The following IRAK1BP1 variants were observed in gnomAD, a reference collection of about 807,000 sequenced individuals.
IRAK1BP1 encodes interleukin 1 receptor associated kinase 1 binding protein 1.
Under a neutral mutation model 28.0 loss-of-function variants are expected in IRAK1BP1, and 24 were observed. The observed-to-expected ratio is 0.86, with a 90% CI of 0.62 to 1.20. IRAK1BP1 has a LOEUF of 1.20. IRAK1BP1 is among the 50% of genes most tolerant of loss of function. The pLI is 0.00. For missense variants in IRAK1BP1, 336 were observed against 316.7 expected (o/e 1.06, Z -0.46); for synonymous variants, 131 against 116.3 (o/e 1.13, Z -0.81).
At chr6:78,926,746 T>A (rs1772901207) in intron 4 of IRAK1BP1, among the ~76,000 whole-genome samples, 3 of 152,062 alleles carry the variant, frequency 2.0e-5, no homozygotes, top group Admixed American at 2.0e-4. Flanking sequence ...CCTATCTCCA[T>A]GAATTCAGCT....
chr6:78,946,878 T>C, downstream of IRAK1BP1: 1 of 1,538,950 alleles, frequency 6.5e-7, no homozygotes, highest in Non-Finnish European at 8.7e-7. Context: ...TGTAAATCTG[T>C]GAGGGAAAAA....
chr6:78,888,369 A>T (rs1358601575), intron 2 of IRAK1BP1, among the ~76,000 whole-genome samples: 2 of 152,204 alleles, frequency 1.3e-5, no homozygotes, highest in Admixed American at 6.5e-5. Flanking sequence ...TACACAAAGG[A>T]CACAAGGAAA....
intron 4 of IRAK1BP1, chr6:78,938,467 C>T (rs1001670468): frequency 1.3e-5 from 2 of 151,436 alleles, no homozygotes; most frequent in African/African-American, 4.8e-5. Flanking sequence ...GATTTTATAG[C>T]CTATTATTTT....
chr6:78,902,925 T>A lies in IRAK1BP1; in HGVS notation c.*4591T>A. 1.3e-6 allele frequency: 1 copy of A among 791,904 alleles called. No homozygotes were observed. Among genetic ancestry groups the A allele is most frequent in the Non-Finnish European group, 2.0e-6 (1 of 494,480 alleles). 49.1% of individuals were successfully genotyped at this position (791,904 alleles called of 1,614,324 possible). On this transcript the variant is annotated 3_prime_UTR_variant, in exon 4 of 4. Coordinates refer to ENST00000369940, the MANE Select transcript of IRAK1BP1 (RefSeq NM_001010844.4). Reference sequence around the variant, plus strand: ...TTAATAGAAATCTTTCAAGAAGGATTGTTTTCTACTATTAAAACAATAAAA... The same window carrying A: ...TTAATAGAAATCTTTCAAGAAGGATAGTTTTCTACTATTAAAACAATAAAA...
chr6:78,883,931 A>G (rs986728529), intron 1 of IRAK1BP1, among the ~76,000 whole-genome samples: 10 of 152,072 alleles, frequency 6.6e-5, no homozygotes, highest in Non-Finnish European at 1.0e-4. Context: ...AAAATGTTAT[A>G]TATAAGGTTG....
At chr6:78,965,878 T>A in the IRAK1BP1 span, 4 of 1,270,476 alleles carry the variant, frequency 3.1e-6, no homozygotes, top group Non-Finnish European at 4.6e-6. Flanking sequence ...TCTTTATCTC[T>A]TAATAGATGG....
the IRAK1BP1 span, among the ~76,000 whole-genome samples, chr6:78,971,395 T>G: frequency 3.3e-5 from 5 of 152,240 alleles, no homozygotes; most frequent in African/African-American, 1.2e-4. Flanking sequence ...AACTAGTACT[T>G]GAACACAGCA....
the IRAK1BP1 span, among the ~76,000 whole-genome samples, chr6:78,972,855 G>A: frequency 1.3e-5 from 2 of 152,156 alleles, no homozygotes; most frequent in Admixed American, 6.5e-5. Flanking sequence ...AATGAGCAAA[G>A]CCTCCAAGAA....
At chr6:78,917,874 A>G (rs572450831) in intron 4 of IRAK1BP1, among the ~76,000 whole-genome samples, 2 of 152,306 alleles carry the variant, frequency 1.3e-5, no homozygotes, top group South Asian at 4.1e-4. Flanking sequence ...AGCAAGTGCT[A>G]GGGGAATTTG....
intron 1 of IRAK1BP1, among the ~76,000 whole-genome samples, chr6:78,884,407 A>C (rs1348376948): frequency 1.3e-5 from 2 of 152,170 alleles, no homozygotes; most frequent in Non-Finnish European, 2.9e-5. Flanking sequence ...TTAATCACTG[A>C]ATTTAAAAAC....
At chr6:78,904,473 T>C (rs1012928434), downstream of IRAK1BP1, among the ~76,000 whole-genome samples, 1 of 152,218 alleles carries the variant, frequency 6.6e-6, no homozygotes, top group Non-Finnish European at 1.5e-5. Context: ...ATAAATTCAG[T>C]AAACTTACAA....
intron 4 of IRAK1BP1, among the ~76,000 whole-genome samples, chr6:78,917,053 T>A (rs1772579283): frequency 6.6e-6 from 1 of 151,954 alleles, no homozygotes; most frequent in Non-Finnish European, 1.5e-5. Flanking sequence ...TCACACCAGC[T>A]CTCCAGCAAT....
chr6:78,895,044 G>A (rs1771829936), intron 2 of IRAK1BP1, among the ~76,000 whole-genome samples: 1 of 151,288 alleles, frequency 6.6e-6, no homozygotes, highest in African/African-American at 2.4e-5. Context: ...GGAGGTAGAG[G>A]TTGCAGTGAG....
At chr6:78,884,604 A>G (rs528059612) in intron 1 of IRAK1BP1, among the ~76,000 whole-genome samples, 1 of 152,268 alleles carries the variant, frequency 6.6e-6, no homozygotes, top group South Asian at 2.1e-4. Flanking sequence ...TATGCCAAAT[A>G]CTTGATATAC....
At chr6:78,913,044 T>C (rs931973647) in intron 4 of IRAK1BP1, among the ~76,000 whole-genome samples, 2 of 152,072 alleles carry the variant, frequency 1.3e-5, no homozygotes, top group South Asian at 4.1e-4. Flanking sequence ...TCCATAAAAG[T>C]ATAAGTCATG....
In IRAK1BP1 at chr6:78,932,910, T is replaced by A. The variant is rs1312836845; in HGVS notation, c.*68-12498T>A. On this transcript the variant is annotated intron_variant and NMD_transcript_variant, in intron 4 of 4. Transcript: ENST00000606868. ...TTCAAAGGTATCTTTTTTATTTTTT[T>A]ATTTTTTTTCTGGAAAGCAGGTCTT... 4.6e-5 allele frequency among the ~76,000 whole-genome samples: 7 copies of A among 152,276 alleles called. No homozygotes were observed. In the South Asian group the frequency reaches 8.3e-4, roughly 18 times the overall value.
At chr6:78,946,699 G>T (rs766443007), downstream of IRAK1BP1, 5 of 1,532,466 alleles carry the variant, frequency 3.3e-6, no homozygotes, top group Non-Finnish European at 4.4e-6. Flanking sequence ...GTATTTAAAA[G>T]AAATTAAATA....
At chr6:78,974,082 AG>A in the IRAK1BP1 span, among the ~76,000 whole-genome samples, 2 of 152,274 alleles carry the variant, frequency 1.3e-5, no homozygotes, top group Admixed American at 6.5e-5. Flanking sequence ...CATTTTTTTC[AG>A]CACCACACCA....
chr6:78,916,852 G>A (rs983996368), intron 4 of IRAK1BP1, among the ~76,000 whole-genome samples: 5 of 152,114 alleles, frequency 3.3e-5, no homozygotes, highest in Non-Finnish European at 5.9e-5. Flanking sequence ...GCTGAGGCGG[G>A]AGAATTGCTT....
Sources: gnomAD v4.1 joint callset for allele counts (sites outside exome capture counted in the v4.1 genomes callset) on GRCh38, gnomAD v4.1.1 for gene constraint, MANE v1.5 for transcripts, NCBI Gene and HGNC (gene_info 2026-07-23, HGNC 2026-07-21) for gene names.